The following CATSPER3 variants were observed in gnomAD, a reference collection of about 807,000 sequenced individuals.
The protein encoded by CATSPER3 is cation channel sperm associated 3.
CATSPER3 carries 23 observed loss-of-function variants against 36.6 expected under a neutral mutation model. The ratio of observed to expected loss-of-function variants is 0.63; its 90% CI spans 0.45 to 0.89. The LOEUF is 0.89. Ranked by LOEUF, CATSPER3 falls within the 40% of genes least tolerant of loss-of-function variation. The pLI is 0.00. For missense variants in CATSPER3, 474 were observed against 503.9 expected, an observed-to-expected ratio of 0.94 and a Z score of 0.57; for synonymous variants, 172 against 184.1, an observed-to-expected ratio of 0.93 and a Z score of 0.53.
rs765296549 is a variant in CATSPER3 at position 134,996,406 on chromosome 5, A to G, written c.386A>G (p.Tyr129Cys). The G allele has an allele frequency of 5.6e-6, 9 of 1,614,072 alleles. No individual in the cohort carries two copies. The highest frequency in any genetic ancestry group is 1.3e-5 in the African/African-American group (1 of 74,934). The change falls in exon 3 of 8, where the codon TAT (tyrosine) becomes TGT (cysteine). Residue 129 changes from tyrosine to cysteine, a missense_variant. By Grantham distance (194) the Tyr-to-Cys change is radical. Transcript: ENST00000282611. ...ATTATCATCGTTATGTTTTTACCCT[A>G]TGCCCTCCGCCAGCTCATGGGCAAA... ...VIIIIVMFLP[Y>C]ALRQLMGKQF...
intron 3 of CATSPER3, among the ~76,000 whole-genome samples, chr5:134,999,835 A>G (rs1419151741): frequency 1.3e-5 from 2 of 152,198 alleles, no homozygotes; most frequent in Admixed American, 6.5e-5. Context: ...TTCTAAATAT[A>G]CAATCATGTC....
chr5:134,991,490 A>T (rs1448783411), intron 2 of CATSPER3, among the ~76,000 whole-genome samples: 1 of 152,234 alleles, frequency 6.6e-6, no homozygotes, highest in Admixed American at 6.5e-5. Context: ...ATAAATTCAA[A>T]TATCTATGGT....
chr5:134,983,977 T>C (rs1174001844), intron 2 of CATSPER3, among the ~76,000 whole-genome samples: 1 of 151,984 alleles, frequency 6.6e-6, no homozygotes, highest in African/African-American at 2.4e-5. Flanking sequence ...AACCCAGAAA[T>C]AAGGCCAAAT....
Position 134,967,932 on chromosome 5 carries a change from C to G in CATSPER3, c.-60C>G, listed in dbSNP as rs1387561121. 6.1e-6 allele frequency: 8 copies of G among 1,311,692 alleles called. No individual in the cohort carries two copies. Among genetic ancestry groups the G allele is most frequent in the Non-Finnish European group, 8.8e-6 (8 of 906,608 alleles). The allele number at this position is 1,311,692 out of a possible 1,614,324, so 81.3% of individuals were successfully genotyped here. A position where few individuals can be genotyped will look rare whatever the true frequency, so the allele number is the denominator to read the frequency against. On this transcript the variant is annotated 5_prime_UTR_variant, in exon 1 of 8. Transcript: ENST00000282611. ...AGAATCCAGACGCTAAGGAAAATCCCTAAGCAGAGATTTTCTGTTGGATGC... is the reference window on the plus strand; with the variant it reads ...AGAATCCAGACGCTAAGGAAAATCCGTAAGCAGAGATTTTCTGTTGGATGC...
rs931916024 is a variant in CATSPER3 at position 134,995,459 on chromosome 5, T to G, written c.253-814T>G. Among the ~76,000 whole-genome samples the G allele has an allele frequency of 2.5e-4, 38 of 152,270 alleles. 1 individual carries two copies. The highest frequency in any genetic ancestry group is 9.8e-4 in the Admixed American group (15 of 15,294). The stretch of plus-strand genomic sequence containing the variant: ...TCCTCTTCTCCTCCAACCTGGCGAG[T>G]CCCTTTATCTTCTTTGGCTGGTTTA... On this transcript the variant is annotated intron_variant, in intron 2 of 7. Coordinates refer to ENST00000282611, the MANE Select transcript of CATSPER3 (RefSeq NM_178019.3).
Position 135,008,834 on chromosome 5 carries a change from T to C in CATSPER3, c.676-7T>C, listed in dbSNP as rs201663120. The C allele has an allele frequency of 1.0e-4, 165 of 1,613,904 alleles. No homozygotes were observed. Among genetic ancestry groups the C allele is most frequent in the Non-Finnish European group, 1.3e-4 (154 of 1,179,932 alleles). ...GGCCCTCAGCATACTCTTCCCTGCC[T>C]GAGCAGGTTGATGGCTGGACAGACC... On this transcript the variant is annotated splice_polypyrimidine_tract_variant and splice_region_variant and intron_variant, in intron 4 of 7. Transcript: ENST00000282611.
intron 2 of CATSPER3, among the ~76,000 whole-genome samples, chr5:134,971,411 AC>A (rs1390602770): frequency 6.6e-6 from 1 of 152,078 alleles, no homozygotes; most frequent in African/African-American, 2.4e-5. Flanking sequence ...ACAGAGTGAG[AC>A]CTTGTCCTAA....
intron 5 of CATSPER3, 24 bp downstream of exon 5, chr5:135,009,005 G>A (rs569194020): frequency 5.6e-6 from 9 of 1,613,888 alleles, no homozygotes; most frequent in East Asian, 4.5e-5. Flanking sequence ...TGTGAGGATC[G>A]GAGGTCAGGG....
intron 2 of CATSPER3, 23 bp from the exon 3 acceptor site, chr5:134,996,250 T>C: frequency 6.2e-7 from 1 of 1,614,184 alleles, no homozygotes; most frequent in East Asian, 2.2e-5. Flanking sequence ...ATCTGACTTC[T>C]CCAACCCTTG....
At chr5:134,986,476 T>A (rs1751811633) in intron 2 of CATSPER3, among the ~76,000 whole-genome samples, 1 of 147,088 alleles carries the variant, frequency 6.8e-6, no homozygotes, top group Non-Finnish European at 1.5e-5. Flanking sequence ...TTTTTTTTTT[T>A]TTTGAGATGA....
intron 3 of CATSPER3, among the ~76,000 whole-genome samples, chr5:135,007,410 C>T (rs1014699785): frequency 3.3e-5 from 5 of 152,150 alleles, no homozygotes; most frequent in East Asian, 1.9e-4. Flanking sequence ...GGCAATGTAG[C>T]GGGGAGATAA....
chr5:134,978,974 G>A (rs1021916543), intron 2 of CATSPER3, among the ~76,000 whole-genome samples: 15 of 151,954 alleles, frequency 9.9e-5, no homozygotes, highest in Admixed American at 7.9e-4. Flanking sequence ...TGCCCGCCTC[G>A]GCCTCCCAAA....
Position 135,009,455 on chromosome 5 carries a change from C to A in CATSPER3, c.901C>A (p.Gln301Lys). The A allele has an allele frequency of 6.2e-7, 1 of 1,600,730 alleles. No individual in the cohort carries two copies. The highest frequency in any genetic ancestry group is 8.5e-7 in the Non-Finnish European group (1 of 1,174,724). ...AGAGAAGCAGGTGATTCTGCAGCGG[C>A]AGCAGGAGGAGATCAGCAGGCTGAT... ...MGEKQVILQR[Q>K]QEEISRLMHI... is the part of the protein sequence containing the mutation. Residue 301 changes from glutamine to lysine, a missense_variant, in exon 6 of 8, where the codon CAG becomes AAG. Coordinates refer to ENST00000282611, the MANE Select transcript of CATSPER3 (RefSeq NM_178019.3).
chr5:135,009,181 G>A (rs556399926), intron 5 of CATSPER3, among the ~76,000 whole-genome samples, 190 bp from the exon 6 acceptor site: 32 of 152,318 alleles, frequency 2.1e-4, no homozygotes, highest in Non-Finnish European at 3.4e-4. Flanking sequence ...GCTGATGGTG[G>A]TCAACAGGAC....
intron 2 of CATSPER3, among the ~76,000 whole-genome samples, chr5:134,974,716 G>A (rs555146017): frequency 6.6e-6 from 1 of 152,310 alleles, no homozygotes; most frequent in African/African-American, 2.4e-5. Flanking sequence ...GGCAGTCGAG[G>A]TGGTGGGATA....
chr5:134,994,474 A>T (rs1318885202), intron 2 of CATSPER3, among the ~76,000 whole-genome samples: 1 of 152,266 alleles, frequency 6.6e-6, no homozygotes, highest in Non-Finnish European at 1.5e-5. Flanking sequence ...TTGGTTCAAT[A>T]ACTTCAGAAA....
intron 2 of CATSPER3, among the ~76,000 whole-genome samples, chr5:134,977,628 A>G (rs553010744): frequency 6.6e-6 from 1 of 152,088 alleles, no homozygotes; most frequent in African/African-American, 2.4e-5. Context: ...AAGCTCTTCC[A>G]TTCTCCCTGT....
chr5:134,981,525 T>A (rs1370825366), intron 2 of CATSPER3, among the ~76,000 whole-genome samples: 3 of 152,098 alleles, frequency 2.0e-5, no homozygotes, highest in Non-Finnish European at 4.4e-5. Flanking sequence ...AAAACACTAG[T>A]TGACCAGAAA....
At chr5:134,999,315 A>T (rs1751991754) in intron 3 of CATSPER3, among the ~76,000 whole-genome samples, 2 of 152,120 alleles carry the variant, frequency 1.3e-5, no homozygotes, top group South Asian at 4.1e-4. Context: ...TGGTTACTGC[A>T]GCCTTGTAGT....
Sources: allele counts gnomAD v4.1 joint callset (sites outside exome capture counted in the v4.1 genomes callset), GRCh38; gene constraint gnomAD v4.1.1; transcripts MANE v1.5; gene names NCBI Gene and HGNC (gene_info 2026-07-23, HGNC 2026-07-21).